Variants in TRIO observed in about 807,000 individuals in gnomAD.
TRIO encodes the protein trio Rho guanine nucleotide exchange factor.
In TRIO, 58 loss-of-function variants were observed where a neutral mutation model predicts 351.9. That is an observed-to-expected ratio of 0.16 (90% CI 0.13 to 0.21). The LOEUF (loss-of-function observed/expected upper bound fraction) is 0.21. Ranked by LOEUF, TRIO falls within the 10% of genes least tolerant of loss-of-function variation. The pLI is 1.00. For synonymous variants in TRIO, 1,758 were observed against 1,595.7 expected (o/e 1.10, Z -2.42); for missense variants, 3,201 against 4,027.8 (o/e 0.79, Z 5.56).
At chr5:14,475,619 G>A (rs1455277648) in intron 40 of TRIO, among the ~76,000 whole-genome samples, 2 of 152,150 alleles carry the variant, frequency 1.3e-5, no homozygotes, top group East Asian at 1.9e-4. Context: ...ATAAATGATC[G>A]GTAAACTTTA....
At chr5:14,442,124 C>T (rs902618313) in intron 34 of TRIO, among the ~76,000 whole-genome samples, 1 of 152,092 alleles carries the variant, frequency 6.6e-6, no homozygotes, top group African/African-American at 2.4e-5. Context: ...ACCATACAGC[C>T]GAAAAAAGGA....
At chr5:14,186,893 A>G (rs1283087006) in intron 1 of TRIO, among the ~76,000 whole-genome samples, 1 of 152,136 alleles carries the variant, frequency 6.6e-6, no homozygotes, top group African/African-American at 2.4e-5. Context: ...TCAATTTCTA[A>G]TGATTGAGAC....
At chr5:14,402,594 A>T (rs1296709096) in intron 31 of TRIO, among the ~76,000 whole-genome samples, 1 of 145,710 alleles carries the variant, frequency 6.9e-6, no homozygotes, top group Non-Finnish European at 1.5e-5. Context: ...GATGGCAGTG[A>T]GGGTGGAGAT....
At chr5:14,340,539 A>G (rs1741852966) in intron 11 of TRIO, among the ~76,000 whole-genome samples, 1 of 152,080 alleles carries the variant, frequency 6.6e-6, no homozygotes, top group Non-Finnish European at 1.5e-5. Flanking sequence ...TCTCGTCCTC[A>G]CTTTATCTGG....
chr5:14,479,961 C>G lies in TRIO; in HGVS notation c.6286C>G (p.Leu2096Val). 6.2e-7 allele frequency: 1 copy of G among 1,614,154 alleles called. No individual in the cohort carries two copies. The highest frequency in any genetic ancestry group is 8.5e-7 in the Non-Finnish European group (1 of 1,179,980). The change falls in exon 43 of 57, where the codon CTG becomes GTG. Residue 2096 changes from leucine (L) to valine (V), a missense_variant. Coordinates refer to ENST00000344204, the MANE Select transcript of TRIO (RefSeq NM_007118.4). ...TGGCCACAGGTTACAGCTCACAGAT[C>G]TGTTGATCAAACCAGTGCAGAGAAT... ...RLGHRLQLTD[L>V]LIKPVQRIMK...
At chr5:14,234,687 C>A (rs17241452) in intron 1 of TRIO, among the ~76,000 whole-genome samples, 1 of 152,118 alleles carries the variant, frequency 6.6e-6, no homozygotes, top group Non-Finnish European at 1.5e-5. Context: ...TTAATGATTG[C>A]GGATTGTGAT....
At chr5:14,361,049 T>C (rs372965162) in intron 13 of TRIO, among the ~76,000 whole-genome samples, 1 of 152,292 alleles carries the variant, frequency 6.6e-6, no homozygotes, top group African/African-American at 2.4e-5. Context: ...CCACGCCTAC[T>C]TTCCTCTCTG....
chr5:14,397,266 T>G, intron 29 of TRIO, 112 bp downstream of exon 29: 1 of 769,062 alleles, frequency 1.3e-6, no homozygotes, highest in Non-Finnish European at 2.1e-6. Flanking sequence ...ATGTTAGTGG[T>G]TAAGAACATT....
chr5:14,186,908 G>A (rs979411009), intron 1 of TRIO, among the ~76,000 whole-genome samples: 1 of 152,112 alleles, frequency 6.6e-6, no homozygotes, highest in Admixed American at 6.5e-5. Flanking sequence ...TGAGACTCTT[G>A]GGCACAATGC....
intron 19 of TRIO, 29 bp downstream of exon 19, chr5:14,374,372 G>A: frequency 6.3e-7 from 1 of 1,580,952 alleles, no homozygotes; most frequent in Non-Finnish European, 8.7e-7. Context: ...CTCCAGGGGT[G>A]GCCCAGTGCA....
intron 1 of TRIO, among the ~76,000 whole-genome samples, chr5:14,218,050 A>G (rs183512158): frequency 1.2e-4 from 19 of 152,322 alleles, no homozygotes; most frequent in Admixed American, 1.1e-3. Context: ...GTATAACTAT[A>G]GTTCATGTGT....
chr5:14,462,255 T>G (rs1304474926), intron 35 of TRIO, among the ~76,000 whole-genome samples: 2 of 152,222 alleles, frequency 1.3e-5, no homozygotes, highest in Admixed American at 6.5e-5. Flanking sequence ...CTCTGTCCTC[T>G]TAGGAAAACT....
At chr5:14,504,055 C>G (rs1374261506) in intron 54 of TRIO, among the ~76,000 whole-genome samples, 1 of 152,242 alleles carries the variant, frequency 6.6e-6, no homozygotes, top group Non-Finnish European at 1.5e-5. Context: ...CCAGCTTCTG[C>G]TCGTCGTGGG....
chr5:14,402,152 A>G (rs1170427097), intron 31 of TRIO, among the ~76,000 whole-genome samples: 1 of 152,134 alleles, frequency 6.6e-6, no homozygotes, highest in African/African-American at 2.4e-5. Context: ...AAATAACTGT[A>G]TTTTCTTCCT....
chr5:14,497,921 T>C lies in TRIO; in HGVS notation c.8047+47T>C. ...CTAGTCCTAGAGATGATTCTAGACCTGTGGGGCATGTTTCAGAGCACTTGA... is the reference window on the plus strand; with the variant it reads ...CTAGTCCTAGAGATGATTCTAGACCCGTGGGGCATGTTTCAGAGCACTTGA... On this transcript the variant is annotated intron_variant, in intron 51 of 56. Transcript: ENST00000344204. The surrounding 1 kb of genome is among the most constrained non-coding windows in gnomAD (Gnocchi z 4.4). The C allele has an allele frequency of 6.2e-7, 1 of 1,613,664 alleles. No individual in the cohort carries two copies. Among genetic ancestry groups the C allele is most frequent in the Non-Finnish European group, 8.5e-7 (1 of 1,179,568 alleles).
intron 56 of TRIO, 139 bp downstream of exon 56, chr5:14,507,399 CTGAT>C: frequency 8.2e-7 from 1 of 1,219,422 alleles, no homozygotes; most frequent in African/African-American, 1.8e-5. Context: ...AGCGCAGACA[CTGAT>C]TGCTAATCTC....
Position 14,287,184 on chromosome 5 carries a change from G to A in TRIO, c.540+121G>A, listed in dbSNP as rs182509940. 52 of 938,810 alleles carry A rather than the reference G, an allele frequency of 5.5e-5. No individual in the cohort carries two copies. The East Asian group carries it at 9.8e-4, about 18-fold the overall frequency. 58.2% of individuals were successfully genotyped at this position (938,810 alleles called of 1,614,324 possible). ...ATTAAACAGGAGCTGCATATCTTAC[G>A]AACATGTGATACGTAAAATTAGTTA... On this transcript the variant is annotated intron_variant, in intron 4 of 56. Coordinates refer to ENST00000344204, the MANE Select transcript of TRIO (RefSeq NM_007118.4).
intron 34 of TRIO, among the ~76,000 whole-genome samples, chr5:14,459,211 C>T (rs886715737): frequency 9.9e-5 from 15 of 152,190 alleles, no homozygotes; most frequent in African/African-American, 3.1e-4. Flanking sequence ...CTAGTCCCAG[C>T]GTCGGAAGCA....
chr5:14,174,633 C>T (rs1789298656), intron 1 of TRIO, among the ~76,000 whole-genome samples: 1 of 152,230 alleles, frequency 6.6e-6, no homozygotes, highest in Non-Finnish European at 1.5e-5. Context: ...CAAGAAGATT[C>T]TGCCACAGAG....
Sources: gnomAD v4.1 joint callset for allele counts (sites outside exome capture counted in the v4.1 genomes callset) on GRCh38, gnomAD v4.1.1 for gene constraint, Gnocchi (gnomAD v3.1) non-coding constraint, MANE v1.5 for transcripts, NCBI Gene and HGNC (gene_info 2026-07-23, HGNC 2026-07-21) for gene names.